Variants in DGKB observed in about 807,000 individuals in gnomAD.
The protein encoded by DGKB is diacylglycerol kinase beta.
Under a neutral mutation model 114.3 loss-of-function variants are expected in DGKB, and 67 were observed. The ratio of observed to expected loss-of-function variants is 0.59; its 90% CI spans 0.48 to 0.72. DGKB has a LOEUF of 0.72. Ranked by LOEUF, DGKB falls within the 30% of genes least tolerant of loss-of-function variation. The pLI is 0.00. For missense variants in DGKB, 907 were observed against 975.2 expected (o/e 0.93, Z 0.93); for synonymous variants, 398 against 323.1 (o/e 1.23, Z -2.49).
At chr7:14,876,614 G>A (rs1853330530) in intron 1 of DGKB, among the ~76,000 whole-genome samples, 1 of 152,170 alleles carries the variant, frequency 6.6e-6, no homozygotes, top group Admixed American at 6.5e-5. Context: ...TATGGTGTAA[G>A]TTTTATATTG....
intron 2 of DGKB, among the ~76,000 whole-genome samples, chr7:14,833,388 G>T (rs993534793): frequency 2.3e-5 from 2 of 85,796 alleles, no homozygotes; most frequent in Non-Finnish European, 5.2e-5. Context: ...ATGTCTTTAT[G>T]AAGATTTATG....
chr7:14,276,027 T>C (rs575121660), intron 23 of DGKB, among the ~76,000 whole-genome samples: 33 of 152,334 alleles, frequency 2.2e-4, no homozygotes, highest in Non-Finnish European at 3.7e-4. Context: ...GTGATAGACC[T>C]ATTCGTATAC....
At chr7:14,478,321 A>G in intron 20 of DGKB, 96 bp from the exon 21 acceptor site, 2 of 754,510 alleles carry the variant, frequency 2.7e-6, no homozygotes, top group Non-Finnish European at 4.0e-6. Flanking sequence ...TTTCAAAATG[A>G]ACTTTTATTT....
intron 21 of DGKB, among the ~76,000 whole-genome samples, chr7:14,446,504 C>A (rs78666868): frequency 0.073 from 11,074 of 152,110 alleles, 971 homozygotes; most frequent in African/African-American, 0.2. Context: ...CAGACAGACA[C>A]TCAGTGGGAT....
chr7:14,865,456 A>C (rs217553), intron 1 of DGKB, among the ~76,000 whole-genome samples: 150,295 of 152,330 alleles, frequency 0.99, 74,180 homozygotes, highest in Middle Eastern at 1. Context: ...GGCCATCCCA[A>C]TGTGGACTAA....
At chr7:14,348,953 T>C (rs980564907) in intron 21 of DGKB, among the ~76,000 whole-genome samples, 1 of 152,006 alleles carries the variant, frequency 6.6e-6, no homozygotes, top group Non-Finnish European at 1.5e-5. Flanking sequence ...ACAAAGTTAA[T>C]GGTTTTAGAC....
intron 21 of DGKB, among the ~76,000 whole-genome samples, chr7:14,465,226 A>G (rs1429449715): frequency 6.6e-6 from 1 of 152,160 alleles, no homozygotes; most frequent in Non-Finnish European, 1.5e-5. Context: ...AAGGCTTTAC[A>G]AGAGCAGAGA....
intron 21 of DGKB, among the ~76,000 whole-genome samples, chr7:14,436,537 C>T (rs1365641135): frequency 6.6e-6 from 1 of 152,028 alleles, no homozygotes; most frequent in African/African-American, 2.4e-5. Flanking sequence ...GGACAAGTTG[C>T]TATAGTTGTG....
At chr7:14,600,326 G>C (rs1803317400) in intron 17 of DGKB, among the ~76,000 whole-genome samples, 1 of 152,124 alleles carries the variant, frequency 6.6e-6, no homozygotes, top group African/African-American at 2.4e-5. Flanking sequence ...GGTGATTAAG[G>C]TTCAATATAA....
intron 2 of DGKB, among the ~76,000 whole-genome samples, chr7:14,777,625 G>C (rs991526720): frequency 1.3e-5 from 2 of 152,126 alleles, no homozygotes; most frequent in Non-Finnish European, 2.9e-5. Flanking sequence ...TGCCATGATT[G>C]TAAGTTTCCT....
intron 1 of DGKB, among the ~76,000 whole-genome samples, chr7:14,848,244 T>G (rs1409441546): frequency 6.6e-6 from 1 of 152,086 alleles, no homozygotes; most frequent in Non-Finnish European, 1.5e-5. Flanking sequence ...ATTTTTGAAG[T>G]AGGACTTGAA....
At chr7:14,443,681 C>T (rs1210658383) in intron 21 of DGKB, among the ~76,000 whole-genome samples, 1 of 151,966 alleles carries the variant, frequency 6.6e-6, no homozygotes, top group East Asian at 1.9e-4. Context: ...TTCTCTCATT[C>T]TCTCTTTTTC....
intron 1 of DGKB, among the ~76,000 whole-genome samples, chr7:14,964,509 T>A (rs1417476967): frequency 2.0e-5 from 3 of 151,986 alleles, no homozygotes; most frequent in Non-Finnish European, 4.4e-5. Flanking sequence ...CAAAAATAAA[T>A]AAATAAGATA....
chr7:14,255,074 G>GA (rs953139258), intron 23 of DGKB, among the ~76,000 whole-genome samples: 13 of 152,208 alleles, frequency 8.5e-5, no homozygotes, highest in Non-Finnish European at 1.6e-4. Flanking sequence ...AATAAGTTAT[G>GA]AAAAAAAGAC....
At chr7:14,745,303 C>A (rs536643752) in intron 4 of DGKB, among the ~76,000 whole-genome samples, 37 of 152,290 alleles carry the variant, frequency 2.4e-4, no homozygotes, top group African/African-American at 8.2e-4. Context: ...AATAGGCTTT[C>A]GAGAGAGTTA....
At chr7:14,850,207 T>C (rs2128157185) in intron 1 of DGKB, among the ~76,000 whole-genome samples, 1 of 152,220 alleles carries the variant, frequency 6.6e-6, no homozygotes, top group South Asian at 2.1e-4. Flanking sequence ...GCTGGGCAAG[T>C]TAGATAGTAA....
At chr7:14,390,167 G>C (rs1263528583) in intron 21 of DGKB, among the ~76,000 whole-genome samples, 2 of 152,110 alleles carry the variant, frequency 1.3e-5, no homozygotes, top group African/African-American at 4.8e-5. Context: ...AAGGGTATTT[G>C]CTAGAGAGTC....
At chr7:14,549,689 C>T (rs532395806) in intron 20 of DGKB, among the ~76,000 whole-genome samples, 8 of 152,032 alleles carry the variant, frequency 5.3e-5, no homozygotes, top group Admixed American at 1.3e-4. Context: ...AAAGGAAAGA[C>T]GATTAAAATC....
chr7:14,654,929 GA>G (rs973985083), intron 13 of DGKB, among the ~76,000 whole-genome samples: 1 of 151,580 alleles, frequency 6.6e-6, no homozygotes, highest in Admixed American at 6.6e-5. Flanking sequence ...AAAACTACTA[GA>G]AAAAAACAGA....
Sources: gnomAD v4.1 joint callset for allele counts (sites outside exome capture counted in the v4.1 genomes callset) on GRCh38, gnomAD v4.1.1 for gene constraint, MANE v1.5 for transcripts, NCBI Gene and HGNC (gene_info 2026-07-23, HGNC 2026-07-21) for gene names.